PARP11: variants seen among roughly 807,000 people sequenced by gnomAD.
PARP11 encodes protein mono-ADP-ribosyltransferase PARP11.
Under a neutral mutation model 42.9 loss-of-function variants are expected in PARP11, and 31 were observed. The ratio of observed to expected loss-of-function variants is 0.72; its 90% CI spans 0.54 to 0.98. PARP11 has a LOEUF of 0.98. Ranked by LOEUF, PARP11 falls within the 50% of genes least tolerant of loss-of-function variation. The pLI, the probability that PARP11 is intolerant of heterozygous loss-of-function variation, is 0.00. For missense variants in PARP11, 365 were observed against 413.1 expected (o/e 0.88, Z 1.01); for synonymous variants, 137 against 127.3 (o/e 1.08, Z -0.51).
At chr12:3,846,497 C>T (rs1356468925) in intron 1 of PARP11, among the ~76,000 whole-genome samples, 1 of 152,036 alleles carries the variant, frequency 6.6e-6, no homozygotes, top group Non-Finnish European at 1.5e-5. Flanking sequence ...TAGCTCATGC[C>T]TGTAATCCCA....
intron 1 of PARP11, chr12:3,841,628 C>T: frequency 6.2e-7 from 1 of 1,613,606 alleles, no homozygotes; most frequent in Non-Finnish European, 8.5e-7. Context: ...TCTGAGACCC[C>T]TGGGCAGCTT....
At chr12:3,846,110 T>A (rs1314150801) in intron 1 of PARP11, among the ~76,000 whole-genome samples, 1 of 152,234 alleles carries the variant, frequency 6.6e-6, no homozygotes, top group African/African-American at 2.4e-5. Context: ...TTATATTCTT[T>A]ATCATATCAC....
At chr12:3,835,502 T>C (rs1051771943) in intron 1 of PARP11, among the ~76,000 whole-genome samples, 1 of 152,184 alleles carries the variant, frequency 6.6e-6, no homozygotes, top group African/African-American at 2.4e-5. Flanking sequence ...TTCATAAAGA[T>C]GTGATCAATA....
intron 1 of PARP11, among the ~76,000 whole-genome samples, chr12:3,871,461 G>C (rs1257943726): frequency 2.6e-5 from 4 of 152,192 alleles, no homozygotes; most frequent in Admixed American, 2.6e-4. Context: ...ATGCTGTACA[G>C]ATTTCTAGGT....
intron 1 of PARP11, among the ~76,000 whole-genome samples, chr12:3,853,088 G>A (rs935995114): frequency 3.9e-5 from 6 of 152,174 alleles, no homozygotes; most frequent in African/African-American, 1.4e-4. Flanking sequence ...AATGCTGAGA[G>A]ATTTTTGTCA....
In PARP11 at chr12:3,861,072, A is replaced by G. The variant is rs1479533459; in HGVS notation, c.18+12140T>C. Among the ~76,000 whole-genome samples the G allele has an allele frequency of 6.6e-6, 1 of 152,232 alleles. No homozygotes were observed. Among genetic ancestry groups the G allele is most frequent in the African/African-American group, 2.4e-5 (1 of 41,458 alleles). Reference sequence around the variant, plus strand: ...TGAATCATACCTTGGGCTCAACTGCATCTGATTTAGATAATATTTAGATGA... The same window carrying G: ...TGAATCATACCTTGGGCTCAACTGCGTCTGATTTAGATAATATTTAGATGA... On this transcript the variant is annotated intron_variant, in intron 1 of 7. Coordinates refer to ENST00000228820, the MANE Select transcript of PARP11 (RefSeq NM_020367.6). This position sits in a 1 kb window ranked among gnomAD's most constrained non-coding sequence, Gnocchi z 4.6.
chr12:3,871,933 C>G (rs1948488327), intron 1 of PARP11: 1 of 152,174 alleles, frequency 6.6e-6, no homozygotes, highest in Non-Finnish European at 1.5e-5. Flanking sequence ...AAGTGAGTCA[C>G]AGAAACCAGA....
In PARP11 at chr12:3,840,190, AATGGAAAAT is replaced by A. The variant is rs1947857028; in HGVS notation, c.19-10181_19-10173del. Reference sequence around the variant, plus strand: ...CAAATGTCAAGTTAGGTTGGATCACAATGGAAAATTTTTGAATGCAGACGTTCAAGGAGT... The same window carrying A: ...CAAATGTCAAGTTAGGTTGGATCACATTTTGAATGCAGACGTTCAAGGAGT... On this transcript the variant is annotated intron_variant, in intron 1 of 7. Coordinates refer to ENST00000228820, the MANE Select transcript of PARP11 (RefSeq NM_020367.6). This position sits in a 1 kb window ranked among gnomAD's most constrained non-coding sequence, Gnocchi z 4.4. 3 of 1,611,278 alleles carry A rather than the reference AATGGAAAAT, an allele frequency of 1.9e-6. No individual in the cohort carries two copies. The highest frequency in any genetic ancestry group is 2.5e-6 in the Non-Finnish European group (3 of 1,177,328).
chr12:3,824,581 C>T, intron 4 of PARP11: 1 of 945,076 alleles, frequency 1.1e-6, no homozygotes, highest in Non-Finnish European at 1.3e-6. Context: ...TGTATCTTAC[C>T]TAAACAGTCC....
Position 3,840,134 on chromosome 12 carries a change from T to C in PARP11, c.19-10116A>G, listed in dbSNP as rs1947856312. 1.2e-6 allele frequency: 2 copies of C among 1,611,084 alleles called. No homozygotes were observed. The highest frequency in any genetic ancestry group is 1.7e-5 in the Admixed American group (1 of 60,018). On this transcript the variant is annotated intron_variant, in intron 1 of 7. Coordinates refer to ENST00000228820, the MANE Select transcript of PARP11 (RefSeq NM_020367.6). This position sits in a 1 kb window ranked among gnomAD's most constrained non-coding sequence, Gnocchi z 4.4. ...GCTCAGCAAAAACGTGATTATTCCA[T>C]TGCTGCTGGCTTACAATATGAAGTT... is the stretch of plus-strand genomic sequence containing the variant.
intron 7 of PARP11, 43 bp downstream of exon 7, chr12:3,813,992 ACT>A: frequency 7.0e-7 from 1 of 1,435,526 alleles, no homozygotes; most frequent in East Asian, 2.4e-5. Context: ...AAAAGAGGAA[ACT>A]CTCTCCTGGG....
At chr12:3,862,066 T>C (rs1331456694) in intron 1 of PARP11, among the ~76,000 whole-genome samples, 1 of 151,954 alleles carries the variant, frequency 6.6e-6, no homozygotes, top group Non-Finnish European at 1.5e-5. Flanking sequence ...AACAAGCAGA[T>C]GGAAAATACA....
intron 1 of PARP11, among the ~76,000 whole-genome samples, chr12:3,859,909 T>C (rs890577398): frequency 1.3e-5 from 2 of 152,196 alleles, no homozygotes; most frequent in Admixed American, 6.5e-5. Context: ...GTAACAGTTA[T>C]AAAGATAACA....
chr12:3,834,071 G>A (rs1185335872), intron 1 of PARP11, among the ~76,000 whole-genome samples: 8 of 152,248 alleles, frequency 5.3e-5, no homozygotes, highest in African/African-American at 4.8e-5. Context: ...GACTGCCACC[G>A]CCCCAACTTC....
chr12:3,812,523 G>T (rs1947202737), intron 7 of PARP11, 84 bp from the exon 8 acceptor site: 5 of 905,154 alleles, frequency 5.5e-6, no homozygotes, highest in Non-Finnish European at 8.4e-6. Flanking sequence ...CAGGAGAATA[G>T]ATGCATAGAA....
At chr12:3,841,471 C>T in intron 1 of PARP11, 1 of 1,442,836 alleles carries the variant, frequency 6.9e-7, no homozygotes, top group Non-Finnish European at 9.8e-7. Flanking sequence ...TACTGATGCC[C>T]ACTTTCCTAT....
chr12:3,844,879 C>T (rs528271667), intron 1 of PARP11, among the ~76,000 whole-genome samples: 3 of 152,154 alleles, frequency 2.0e-5, no homozygotes, highest in South Asian at 2.1e-4. Flanking sequence ...AATTAGTCCA[C>T]GGGATTTTGC....
chr12:3,834,837 G>C (rs1947724037), intron 1 of PARP11, among the ~76,000 whole-genome samples: 1 of 151,960 alleles, frequency 6.6e-6, no homozygotes, highest in Admixed American at 6.6e-5. Context: ...TGTACACCCA[G>C]GAATGATCAG....
Position 3,810,704 on chromosome 12 carries a change from G to GAAGGAAGGA in PARP11, c.*1418_*1419insTCCTTCCTT. 7.5e-6 allele frequency: 1 copy of GAAGGAAGGA among 133,034 alleles called. No homozygotes were observed. The highest frequency in any genetic ancestry group is 7.7e-5 in the Admixed American group (1 of 12,974). The allele number at this position is 133,034 out of a possible 1,614,324, so 8.2% of individuals were successfully genotyped here. A position where few individuals can be genotyped will look rare whatever the true frequency, so the allele number is the denominator to read the frequency against. ...GAAGGAAAGAAAGAAGGAAGGAAGA[G>GAAGGAAGGA]AGAGAGAAGAGAAGAGAAAGAGAAA... is the stretch of plus-strand genomic sequence containing the variant. On this transcript the variant is annotated 3_prime_UTR_variant, in exon 8 of 8. Transcript: ENST00000228820.
Sources: allele counts gnomAD v4.1 joint callset (sites outside exome capture counted in the v4.1 genomes callset), GRCh38; gene constraint gnomAD v4.1.1; non-coding constraint Gnocchi (gnomAD v3.1); transcripts MANE v1.5; gene names NCBI Gene and HGNC (gene_info 2026-07-23, HGNC 2026-07-21).